ZRANB3: variants seen among roughly 807,000 people sequenced by gnomAD.
ZRANB3 encodes the protein DNA annealing helicase and endonuclease ZRANB3.
Under a neutral mutation model 133.8 loss-of-function variants are expected in ZRANB3, and 125 were observed. That is an observed-to-expected ratio of 0.93 (90% CI 0.81 to 1.08). The LOEUF is 1.08. Among genes scored for constraint, ZRANB3 ranks in the 50% least tolerant of loss-of-function variants. ZRANB3 has a pLI of 0.00. For missense variants in ZRANB3, 1,229 were observed against 1,275.5 expected, an observed-to-expected ratio of 0.96 and a Z score of 0.56; for synonymous variants, 387 against 432.7, an observed-to-expected ratio of 0.89 and a Z score of 1.31.
intron 2 of ZRANB3, among the ~76,000 whole-genome samples, chr2:135,431,208 CT>C (rs1413933005): frequency 6.6e-6 from 1 of 151,592 alleles, no homozygotes; most frequent in Non-Finnish European, 1.5e-5. Context: ...GGGAGGATCA[CT>C]TGAGCTCAGA....
intron 2 of ZRANB3, among the ~76,000 whole-genome samples, chr2:135,488,197 C>T (rs1421644624): frequency 2.0e-5 from 3 of 152,062 alleles, no homozygotes. Context: ...ATTAGGTTCA[C>T]CATCTTATAT....
chr2:135,269,925 T>A (rs947678945), intron 10 of ZRANB3, among the ~76,000 whole-genome samples: 4 of 152,186 alleles, frequency 2.6e-5, no homozygotes, highest in Admixed American at 2.6e-4. Flanking sequence ...TGAGTATTAT[T>A]TAATCAATGC....
At chr2:135,490,137 T>C (rs567138454) in intron 2 of ZRANB3, among the ~76,000 whole-genome samples, 1 of 152,318 alleles carries the variant, frequency 6.6e-6, no homozygotes, top group African/African-American at 2.4e-5. Flanking sequence ...CAGTGAGCAC[T>C]GCCTACAAAA....
chr2:135,386,435 G>A (rs1423634080), intron 3 of ZRANB3, among the ~76,000 whole-genome samples: 1 of 152,218 alleles, frequency 6.6e-6, no homozygotes, highest in African/African-American at 2.4e-5. Flanking sequence ...ACAGTGTGGT[G>A]ATTCCTCAGG....
chr2:135,245,349 T>C (rs983292370), intron 12 of ZRANB3, among the ~76,000 whole-genome samples: 8 of 152,182 alleles, frequency 5.3e-5, no homozygotes, highest in African/African-American at 9.7e-5. Flanking sequence ...TTAGCAGCTA[T>C]GACTAATAGA....
At chr2:135,373,098 C>T (rs1686258181) in intron 3 of ZRANB3, among the ~76,000 whole-genome samples, 1 of 150,406 alleles carries the variant, frequency 6.6e-6, no homozygotes, top group African/African-American at 2.4e-5. Flanking sequence ...ATAGACAAGA[C>T]CTCCATTTGT....
intron 2 of ZRANB3, among the ~76,000 whole-genome samples, chr2:135,464,610 T>C (rs1334627793): frequency 6.6e-6 from 1 of 152,180 alleles, no homozygotes; most frequent in Non-Finnish European, 1.5e-5. Context: ...CCCTGAGATA[T>C]GAGGCTAGTC....
intron 8 of ZRANB3, among the ~76,000 whole-genome samples, chr2:135,290,835 T>G (rs1354391564): frequency 6.6e-6 from 1 of 152,216 alleles, no homozygotes; most frequent in Non-Finnish European, 1.5e-5. Context: ...TATTTGGATG[T>G]CTAGATCTCT....
chr2:135,262,271 A>G (rs1004193908), intron 12 of ZRANB3, among the ~76,000 whole-genome samples: 3 of 151,986 alleles, frequency 2.0e-5, no homozygotes, highest in Admixed American at 2.0e-4. Flanking sequence ...AATATTCTAG[A>G]AAAAAATTGT....
intron 2 of ZRANB3, among the ~76,000 whole-genome samples, chr2:135,406,757 G>A (rs1688054016): frequency 6.6e-6 from 1 of 152,244 alleles, no homozygotes; most frequent in Non-Finnish European, 1.5e-5. Flanking sequence ...AAAGGCCTTT[G>A]ACAAAATTCA....
intron 2 of ZRANB3, among the ~76,000 whole-genome samples, chr2:135,501,879 T>C (rs1692964691): frequency 6.6e-6 from 1 of 152,116 alleles, no homozygotes. Flanking sequence ...CTATTAGCAA[T>C]ACCAAGCTCG....
At chr2:135,499,161 T>C (rs543040332) in intron 2 of ZRANB3, among the ~76,000 whole-genome samples, 1 of 152,248 alleles carries the variant, frequency 6.6e-6, no homozygotes, top group African/African-American at 2.4e-5. Flanking sequence ...CATCCAGCTT[T>C]AAAATTTCTC....
chr2:135,520,063 T>C (rs1465216865), intron 1 of ZRANB3, among the ~76,000 whole-genome samples: 1 of 150,028 alleles, frequency 6.7e-6, no homozygotes, highest in Non-Finnish European at 1.5e-5. Context: ...TCATTAAATC[T>C]TTTTTTTCCA....
At chr2:135,254,507 G>C (rs1679554452) in intron 12 of ZRANB3, among the ~76,000 whole-genome samples, 1 of 152,016 alleles carries the variant, frequency 6.6e-6, no homozygotes, top group South Asian at 2.1e-4. Flanking sequence ...CAGCTACTTG[G>C]GAGGCTGAGG....
chr2:135,500,518 A>C (rs1380342100), intron 2 of ZRANB3, among the ~76,000 whole-genome samples: 1 of 152,270 alleles, frequency 6.6e-6, no homozygotes, highest in East Asian at 1.9e-4. Flanking sequence ...GATACAAAAG[A>C]ATATACAATT....
chr2:135,481,317 T>C (rs1691793106), intron 2 of ZRANB3, among the ~76,000 whole-genome samples: 1 of 151,666 alleles, frequency 6.6e-6, no homozygotes, highest in Non-Finnish European at 1.5e-5. Flanking sequence ...CTAACTGGTG[T>C]GAGATGGTAT....
intron 17 of ZRANB3, among the ~76,000 whole-genome samples, chr2:135,215,011 G>A (rs1040449849): frequency 6.6e-6 from 1 of 152,148 alleles, no homozygotes; most frequent in African/African-American, 2.4e-5. Context: ...TTGACCTCCT[G>A]GGCTCAGGTG....
At chr2:135,318,791 T>C (rs1033316498) in intron 6 of ZRANB3, among the ~76,000 whole-genome samples, 3 of 151,920 alleles carry the variant, frequency 2.0e-5, no homozygotes, top group African/African-American at 7.3e-5. Flanking sequence ...AAAAAGAATC[T>C]TAAAAAAAAA....
At chr2:135,526,981 C>T (rs1213115731) in intron 1 of ZRANB3, among the ~76,000 whole-genome samples, 1 of 152,148 alleles carries the variant, frequency 6.6e-6, no homozygotes, top group East Asian at 1.9e-4. Flanking sequence ...TGGAAGTCCC[C>T]ACTTTGAGTT....
Sources: allele counts gnomAD v4.1 joint callset (sites outside exome capture counted in the v4.1 genomes callset), GRCh38; gene constraint gnomAD v4.1.1; transcripts MANE v1.5; gene names NCBI Gene and HGNC (gene_info 2026-07-23, HGNC 2026-07-21).